LAMA4: variants seen among roughly 807,000 people sequenced by gnomAD.
LAMA4 encodes the protein laminin subunit alpha 4, also known as laminin subunit alpha-4.
Under a neutral mutation model 207.1 loss-of-function variants are expected in LAMA4, and 127 were observed. The ratio of observed to expected loss-of-function variants is 0.61; its 90% confidence interval spans 0.53 to 0.71. LAMA4 has a LOEUF of 0.71. Ranked by LOEUF, LAMA4 falls within the 30% of genes least tolerant of loss-of-function variation. The pLI, the probability that LAMA4 is intolerant of heterozygous loss-of-function variation, is 0.00. For missense variants in LAMA4, 2,093 were observed against 2,246.5 expected (o/e 0.93, Z 1.38); for synonymous variants, 761 against 816.0 (o/e 0.93, Z 1.15).
chr6:112,238,966 A>C (rs139775996), intron 2 of LAMA4, among the ~76,000 whole-genome samples: 21 of 152,298 alleles, frequency 1.4e-4, no homozygotes, highest in African/African-American at 4.3e-4. Context: ...GTTGAAACCT[A>C]ACCCCTAATG....
chr6:112,190,345 T>C (rs1003284014), intron 6 of LAMA4, among the ~76,000 whole-genome samples: 4 of 152,268 alleles, frequency 2.6e-5, no homozygotes, highest in East Asian at 1.9e-4. Flanking sequence ...TATGCCTCTA[T>C]GCACATTGCT....
chr6:112,141,268 A>ATGTG (rs149046391), intron 21 of LAMA4, 90 bp downstream of exon 21: 10 of 1,077,844 alleles, frequency 9.3e-6, no homozygotes, highest in Middle Eastern at 2.0e-4. Flanking sequence ...AAGACTGTGT[A>ATGTG]TGTGTGTGTG....
chr6:112,172,452 C>A lies in LAMA4; in HGVS notation c.1551+159G>T, dbSNP rs111344673. ...GTTTCAACTTGATTTTAGGAACACA[C>A]AAGTTAGTAATTTATAGCACCAAAA... On this transcript the variant is annotated intron_variant, in intron 12 of 38. Transcript: ENST00000230538. 107 of 683,954 alleles carry A rather than the reference C, an allele frequency of 1.6e-4. No individual in the cohort carries two copies. In the African/African-American group the frequency reaches 1.8e-3, roughly 11 times the overall value. The allele number at this position is 683,954 out of a possible 1,614,324, so 42.4% of individuals were successfully genotyped here. A position where few individuals can be genotyped will look rare whatever the true frequency, so the allele number is the denominator to read the frequency against.
intron 3 of LAMA4, chr6:112,213,484 A>G (rs1784460252): frequency 6.6e-6 from 1 of 152,204 alleles, no homozygotes. Context: ...ATCCTGTCCA[A>G]TGTGTTCCAG....
chr6:112,168,532 G>A (rs1554340841), intron 12 of LAMA4, among the ~76,000 whole-genome samples: 2 of 151,884 alleles, frequency 1.3e-5, no homozygotes, highest in African/African-American at 2.4e-5. Context: ...TTTTAGTAGA[G>A]ACAGGGTTTC....
At chr6:112,163,180 A>G (rs1781173306) in intron 13 of LAMA4, among the ~76,000 whole-genome samples, 1 of 151,660 alleles carries the variant, frequency 6.6e-6, no homozygotes, top group African/African-American at 2.4e-5. Context: ...GGGTCTCACT[A>G]TGTTTCCCAG....
intron 29 of LAMA4, among the ~76,000 whole-genome samples, chr6:112,130,338 A>G (rs1258501290): frequency 8.2e-6 from 1 of 121,432 alleles, no homozygotes; most frequent in Non-Finnish European, 1.8e-5. Flanking sequence ...GTGTGTGTGT[A>G]TAAAACAGAG....
intron 22 of LAMA4, among the ~76,000 whole-genome samples, chr6:112,140,531 G>T (rs575156202): frequency 1.2e-4 from 18 of 152,254 alleles, no homozygotes; most frequent in African/African-American, 4.3e-4. Context: ...TGAATGAACT[G>T]ATCTTCAGGA....
intron 3 of LAMA4, among the ~76,000 whole-genome samples, chr6:112,208,352 T>G (rs550195234): frequency 6.6e-6 from 1 of 152,256 alleles, no homozygotes; most frequent in East Asian, 1.9e-4. Flanking sequence ...TATTTGAGGT[T>G]CAGAATAAAA....
At chr6:112,124,470 T>G (rs1037460997) in intron 31 of LAMA4, among the ~76,000 whole-genome samples, 3 of 152,184 alleles carry the variant, frequency 2.0e-5, no homozygotes, top group African/African-American at 4.8e-5. Flanking sequence ...ACATTCACAC[T>G]CTTAGTAATG....
At chr6:112,156,913 G>A (rs181559130) in intron 14 of LAMA4, among the ~76,000 whole-genome samples, 419 of 146,704 alleles carry the variant, frequency 2.9e-3, no homozygotes, top group Non-Finnish European at 4.6e-3. Flanking sequence ...CATCCATTAG[G>A]CACAGCGTTT....
chr6:112,202,103 A>T (rs763522353), intron 4 of LAMA4, among the ~76,000 whole-genome samples: 1 of 152,190 alleles, frequency 6.6e-6, no homozygotes, highest in Non-Finnish European at 1.5e-5. Context: ...ACCAGTTCTA[A>T]ACTATATAAT....
In LAMA4 at chr6:112,226,630, C is replaced by T. The variant is rs115211690; in HGVS notation, c.196-10161G>A. On this transcript the variant is annotated intron_variant, in intron 2 of 38. Transcript: ENST00000230538. Reference sequence around the variant, plus strand: ...TTCAGAACAGGGATAGTGTCTTACTCATTTTTGTGTCCTCATCACCTATCA... The same window carrying T: ...TTCAGAACAGGGATAGTGTCTTACTTATTTTTGTGTCCTCATCACCTATCA... Among the ~76,000 whole-genome samples the T allele has an allele frequency of 4.6e-3, 697 of 152,286 alleles. 6 individuals are homozygous for T. The highest frequency in any genetic ancestry group is 0.016 in the African/African-American group (659 of 41,556).
intron 3 of LAMA4, 48 bp downstream of exon 3, chr6:112,216,320 G>T: frequency 8.3e-7 from 1 of 1,199,736 alleles, no homozygotes; most frequent in Non-Finnish European, 1.2e-6. Flanking sequence ...CACCCAAGAT[G>T]CAAATGCCCA....
chr6:112,173,751 A>G (rs1363259797), intron 11 of LAMA4, among the ~76,000 whole-genome samples: 2 of 152,222 alleles, frequency 1.3e-5, no homozygotes, highest in African/African-American at 4.8e-5. Flanking sequence ...ATCCACAATA[A>G]TTGTTAGCAG....
In LAMA4 at chr6:112,214,029, T is replaced by C. The variant is rs782784519; in HGVS notation, c.297+2339A>G. The C allele has an allele frequency of 2.5e-5, 19 of 764,098 alleles. 1 individual carries two copies. The highest frequency in any genetic ancestry group is 3.4e-5 in the African/African-American group (2 of 58,532). 47.3% of individuals were successfully genotyped at this position (764,098 alleles called of 1,614,324 possible). ...CTCCCTGAGAGCTGAGAATGAACGA[T>C]AGGGCAGAAGCTGAAAAACCTGGGT... On this transcript the variant is annotated intron_variant, in intron 3 of 38. Transcript: ENST00000230538.
At position 112,133,381 on chromosome 6, in the gene LAMA4, C is replaced by G. The variant is rs782523789; in HGVS notation, c.3664G>C (p.Gly1222Arg). 6.2e-7 allele frequency: 1 copy of G among 1,613,650 alleles called. No individual in the cohort carries two copies. Among genetic ancestry groups the G allele is most frequent in the African/African-American group, 1.3e-5 (1 of 74,852 alleles). Residue 1222 changes from glycine to arginine, a missense_variant, in exon 27 of 39, where the codon GGA becomes CGA. Gly to Arg is a moderately radical substitution (Grantham distance 125). Coordinates refer to ENST00000230538, the MANE Select transcript of LAMA4 (RefSeq NM_001105206.3). ...FNLLEQTETL[G>R]VGYGCPEDSL... ...TCTTCTGGGCATCCATAACCAACTC[C>G]CAGGGTTTCTGTCTGCTCCAGTAAA... is the stretch of plus-strand genomic sequence containing the variant.
rs587676600 is a variant in LAMA4 at position 112,116,152 on chromosome 6, GGAA to G, written c.4982-162_4982-160del. Among the ~76,000 whole-genome samples, 370 of 152,280 alleles carry G rather than the reference GGAA, an allele frequency of 2.4e-3. 1 individual carries two copies. Among genetic ancestry groups the G allele is most frequent in the Non-Finnish European group, 1.4e-3 (92 of 68,022 alleles). On this transcript the variant is annotated intron_variant, in intron 35 of 38. Coordinates refer to ENST00000230538, the MANE Select transcript of LAMA4 (RefSeq NM_001105206.3). Reference sequence around the variant, plus strand: ...GGCTTTTCCATGTCAAACTCACTGTGGAAAGCTCTGTGGGGAACCAAGATAACT... The same window carrying G: ...GGCTTTTCCATGTCAAACTCACTGTGAGCTCTGTGGGGAACCAAGATAACT...
rs1778189701 is a variant in LAMA4 at position 112,118,985 on chromosome 6, A to G, written c.4821+171T>C. ...ATTACTTCTGACTTTGTAATGCCAC[A>G]GGGCAGACAGGCAGCCCATAAGACA... On this transcript the variant is annotated intron_variant, in intron 34 of 38. Transcript: ENST00000230538. The surrounding 1 kb of genome is among the most constrained non-coding windows in gnomAD (Gnocchi z 4.6). Among the ~76,000 whole-genome samples, 1 of 152,216 alleles carries G rather than the reference A, an allele frequency of 6.6e-6. No homozygotes were observed. The highest frequency in any genetic ancestry group is 1.5e-5 in the Non-Finnish European group (1 of 68,042).
Sources: gnomAD v4.1 joint callset for allele counts (sites outside exome capture counted in the v4.1 genomes callset) on GRCh38, gnomAD v4.1.1 for gene constraint, Gnocchi (gnomAD v3.1) non-coding constraint, MANE v1.5 for transcripts, NCBI Gene and HGNC (gene_info 2026-07-23, HGNC 2026-07-21) for gene names.